CCDC3: variants seen among roughly 807,000 people sequenced by gnomAD.
The protein encoded by CCDC3 is coiled-coil domain containing 3.
A neutral mutation model predicts 21.4 loss-of-function variants in CCDC3; 24 were observed. That is an observed-to-expected ratio of 1.12 (90% CI 0.81 to 1.58). The LOEUF (loss-of-function observed/expected upper bound fraction) is 1.58, where lower values mean the gene tolerates loss of function less well. Among genes scored for constraint, CCDC3 ranks in the 40% most tolerant of loss-of-function variants. CCDC3 has a pLI of 0.00. For missense variants in CCDC3, 425 were observed against 360.9 expected (o/e 1.18, Z -1.44); for synonymous variants, 186 against 166.0 (o/e 1.12, Z -0.93).
intron 2 of CCDC3, among the ~76,000 whole-genome samples, chr10:12,936,760 AC>A (rs989864672): frequency 5.4e-4 from 82 of 152,272 alleles, no homozygotes; most frequent in African/African-American, 1.9e-3. Context: ...AATTTTAGAA[AC>A]TATTAGCCAG....
At chr10:13,071,208 C>G (rs1353056796) in intron 4 of CCDC3, among the ~76,000 whole-genome samples, 9 of 152,184 alleles carry the variant, frequency 5.9e-5, no homozygotes, top group African/African-American at 1.7e-4. Context: ...AGGGGTGTCA[C>G]AAGACATCCT....
chr10:13,029,792 A>G (rs1353282593), intron 5 of CCDC3, among the ~76,000 whole-genome samples: 1 of 152,234 alleles, frequency 6.6e-6, no homozygotes, highest in Non-Finnish European at 1.5e-5. Context: ...GTTTAGAGAA[A>G]AAAGAGTAAA....
intron 3 of CCDC3, among the ~76,000 whole-genome samples, chr10:13,084,934 G>T (rs1251154): frequency 2.2e-4 from 34 of 152,040 alleles, no homozygotes; most frequent in African/African-American, 8.2e-4. Context: ...AGAAAATCAC[G>T]CCCTCCAACC....
Position 13,012,430 on chromosome 10 carries a change from G to GA in CCDC3, c.-1-13919dup, listed in dbSNP as rs1055191095. Among the ~76,000 whole-genome samples, 117 of 152,202 alleles carry GA rather than the reference G, an allele frequency of 7.7e-4. 1 individual carries two copies. Among genetic ancestry groups the GA allele is most frequent in the African/African-American group, 2.6e-3 (110 of 41,550 alleles). On this transcript the variant is annotated intron_variant, in intron 5 of 6. Coordinates refer to the CCDC3 transcript ENST00000378839. Reference sequence around the variant, plus strand: ...ACATACTTGCAGCCAATAAGCATTTGAAAAAATGCTCAATATCACTAACCA... The same window carrying GA: ...ACATACTTGCAGCCAATAAGCATTTGAAAAAAATGCTCAATATCACTAACCA...
intron 2 of CCDC3, among the ~76,000 whole-genome samples, chr10:12,899,654 T>C (rs1040698785): frequency 6.6e-6 from 1 of 152,194 alleles, no homozygotes. Context: ...GGTGTAGCAA[T>C]GTCTAAGTGG....
chr10:12,916,226 G>A (rs1035151226), intron 2 of CCDC3, among the ~76,000 whole-genome samples: 3 of 152,146 alleles, frequency 2.0e-5, no homozygotes, highest in African/African-American at 7.2e-5. Flanking sequence ...AAGGGCAGGC[G>A]ATTGAGACCA....
chr10:12,927,270 T>C (rs1034389368), intron 2 of CCDC3, among the ~76,000 whole-genome samples: 4 of 152,330 alleles, frequency 2.6e-5, no homozygotes, highest in East Asian at 3.9e-4. Context: ...CTTTTTGCTA[T>C]AGCATTTTTA....
At chr10:12,992,610 C>T (rs541201188) in intron 2 of CCDC3, among the ~76,000 whole-genome samples, 1 of 151,300 alleles carries the variant, frequency 6.6e-6, no homozygotes, top group East Asian at 1.9e-4. Flanking sequence ...GCTATGGGGA[C>T]GCAAAGGCAT....
chr10:12,986,597 AC>A (rs1835595870), intron 2 of CCDC3, among the ~76,000 whole-genome samples: 4 of 152,148 alleles, frequency 2.6e-5, no homozygotes, highest in Admixed American at 2.0e-4. Context: ...ACATGGTGAA[AC>A]CCCATCTCCA....
intron 2 of CCDC3, among the ~76,000 whole-genome samples, chr10:12,940,398 A>G (rs1001844622): frequency 2.0e-5 from 3 of 152,184 alleles, no homozygotes; most frequent in African/African-American, 4.8e-5. Flanking sequence ...CTCAAAGTCT[A>G]TGGCCTCTTG....
At chr10:13,054,116 G>A (rs1173846935) in intron 4 of CCDC3, among the ~76,000 whole-genome samples, 1 of 147,294 alleles carries the variant, frequency 6.8e-6, no homozygotes, top group Non-Finnish European at 1.5e-5. Flanking sequence ...CTGCACTCTG[G>A]CCTGGGTGAC....
chr10:12,998,648 A>G, intron 1 of CCDC3, 136 bp from the exon 2 acceptor site: 1 of 718,500 alleles, frequency 1.4e-6, no homozygotes, highest in Non-Finnish European at 2.3e-6. Flanking sequence ...TAGAGGAGTT[A>G]CTACTTCTAA....
intron 5 of CCDC3, among the ~76,000 whole-genome samples, chr10:13,043,617 A>T (rs11813161): frequency 2.6e-5 from 4 of 152,140 alleles, no homozygotes; most frequent in Non-Finnish European, 2.9e-5. Flanking sequence ...AAATAAAAAT[A>T]AAAAAGACAC....
chr10:12,935,014 C>G (rs777717992), intron 2 of CCDC3, among the ~76,000 whole-genome samples: 2 of 152,026 alleles, frequency 1.3e-5, no homozygotes, highest in East Asian at 3.9e-4. Context: ...TAGGCTCAAG[C>G]AGTCCTCCTG....
chr10:13,001,863 G>C (rs1434901582), upstream of CCDC3, among the ~76,000 whole-genome samples: 2 of 151,850 alleles, frequency 1.3e-5, no homozygotes, highest in Admixed American at 6.5e-5. Flanking sequence ...GCGGGGACCA[G>C]GGACTCGGAG....
chr10:12,971,895 G>A (rs192869009), intron 2 of CCDC3, among the ~76,000 whole-genome samples: 1 of 151,972 alleles, frequency 6.6e-6, no homozygotes, highest in Non-Finnish European at 1.5e-5. Flanking sequence ...CACTACGTTG[G>A]CCAGGCTGGT....
intron 5 of CCDC3, among the ~76,000 whole-genome samples, chr10:13,034,236 G>C (rs971286065): frequency 2.7e-5 from 4 of 150,420 alleles, no homozygotes; most frequent in Admixed American, 6.7e-5. Context: ...GCAAACTATC[G>C]CAAGGGCAGA....
intron 2 of CCDC3, among the ~76,000 whole-genome samples, chr10:12,951,063 G>C (rs188712264): frequency 6.6e-6 from 1 of 152,158 alleles, no homozygotes; most frequent in Non-Finnish European, 1.5e-5. Context: ...CAATCAATCA[G>C]AAAGTATTCA....
intron 2 of CCDC3, among the ~76,000 whole-genome samples, chr10:12,940,640 T>C (rs548212099): frequency 2.6e-5 from 4 of 152,346 alleles, no homozygotes; most frequent in South Asian, 4.1e-4. Flanking sequence ...TTACTTCCTA[T>C]ACTGGTGGTA....
Sources: gnomAD v4.1 joint callset for allele counts (sites outside exome capture counted in the v4.1 genomes callset) on GRCh38, gnomAD v4.1.1 for gene constraint, MANE v1.5 for transcripts, NCBI Gene and HGNC (gene_info 2026-07-23, HGNC 2026-07-21) for gene names.